The following BRDT variants were observed in gnomAD, a reference collection of about 807,000 sequenced individuals.
BRDT encodes the protein bromodomain testis-specific protein.
BRDT carries 77 observed loss-of-function variants against 113.9 expected under a neutral mutation model. That is an observed-to-expected ratio of 0.68 (90% CI 0.56 to 0.82). The LOEUF (loss-of-function observed/expected upper bound fraction) is 0.82. Among genes scored for constraint, BRDT ranks in the 40% least tolerant of loss-of-function variants. The pLI, the probability that BRDT is intolerant of heterozygous loss-of-function variation, is 0.00. For synonymous variants in BRDT, 358 were observed against 366.5 expected (o/e 0.98, Z 0.26); for missense variants, 1,027 against 1,105.4 (o/e 0.93, Z 1.01).
At chr1:91,958,450 G>T (rs746898785) in intron 1 of BRDT, among the ~76,000 whole-genome samples, 12 of 152,010 alleles carry the variant, frequency 7.9e-5, no homozygotes, top group Non-Finnish European at 1.5e-4. Flanking sequence ...TCCTGATCTT[G>T]GGTGGTCTAC....
At chr1:91,958,097 C>T (rs1275106442) in intron 1 of BRDT, among the ~76,000 whole-genome samples, 1 of 152,174 alleles carries the variant, frequency 6.6e-6, no homozygotes, top group East Asian at 1.9e-4. Flanking sequence ...CCTGCCTCGG[C>T]CTTCCAAAGC....
rs188585200 is a variant in BRDT, at chr1:91,960,815, T to C, written c.-37-1903T>C. Among the ~76,000 whole-genome samples, 5 of 152,348 alleles carry C rather than the reference T, an allele frequency of 3.3e-5. 1 individual carries two copies. The highest frequency in any genetic ancestry group is 9.6e-5 in the African/African-American group (4 of 41,588). ...CACTGGTCTCTAAAAATGGGCAACT[T>C]ATTTCATTTTCATTTTGCTTATGTA... On this transcript the variant is annotated intron_variant, in intron 1 of 18. Coordinates refer to ENST00000399546, the MANE Select transcript of BRDT (RefSeq NM_207189.4).
chr1:91,961,691 C>G (rs991679629), intron 1 of BRDT, among the ~76,000 whole-genome samples: 1 of 152,012 alleles, frequency 6.6e-6, no homozygotes, highest in Non-Finnish European at 1.5e-5. Context: ...CATTTTTTTA[C>G]TTTGCTTTTC....
intron 1 of BRDT, among the ~76,000 whole-genome samples, chr1:91,960,426 A>G (rs1682314993): frequency 6.6e-6 from 1 of 152,222 alleles, no homozygotes; most frequent in Admixed American, 6.5e-5. Flanking sequence ...TGTATTAGGA[A>G]AAATAAACCA....
intron 4 of BRDT, among the ~76,000 whole-genome samples, chr1:91,972,708 A>G (rs139424147): frequency 3.3e-5 from 5 of 152,338 alleles, no homozygotes; most frequent in Admixed American, 1.3e-4. Flanking sequence ...AATTCTAACT[A>G]TTCCTCACTA....
chr1:92,001,281 A>G (rs575832364), intron 15 of BRDT, among the ~76,000 whole-genome samples: 1 of 152,248 alleles, frequency 6.6e-6, no homozygotes, highest in Non-Finnish European at 1.5e-5. Flanking sequence ...CCCAGTGCTT[A>G]GTACATAGTA....
chr1:91,964,761 C>A lies in BRDT; in HGVS notation c.327C>A (p.Asn109Lys). 1 of 1,477,686 alleles carries A rather than the reference C, an allele frequency of 6.8e-7. No individual in the cohort carries two copies. Among genetic ancestry groups the A allele is most frequent in the Non-Finnish European group, 9.2e-7 (1 of 1,092,772 alleles). The allele number at this position is 1,477,686 out of a possible 1,614,324, so 91.5% of individuals were successfully genotyped here. ...TGTTCTCAAATTGTTATTTATATAACAAGGTATGTAAGCCTTATGTTATAC... is the reference window on the plus strand; with the variant it reads ...TGTTCTCAAATTGTTATTTATATAAAAAGGTATGTAAGCCTTATGTTATAC... ...NTMFSNCYLY[N>K]KPGDDIVLMA... Residue 109 changes from asparagine to lysine, a missense_variant, in exon 3 of 19, where the codon AAC becomes AAA. By Grantham distance (94) the Asn-to-Lys change is moderately conservative (BLOSUM62 0). Coordinates refer to ENST00000399546, the MANE Select transcript of BRDT (RefSeq NM_207189.4).
chr1:92,012,845 G>T (rs1687919089), intron 18 of BRDT, among the ~76,000 whole-genome samples: 1 of 152,172 alleles, frequency 6.6e-6, no homozygotes, highest in African/African-American at 2.4e-5. Context: ...GCGAGGCAGA[G>T]GTTGCAGTGA....
At chr1:91,963,946 G>A (rs969772213) in intron 2 of BRDT, among the ~76,000 whole-genome samples, 4 of 151,406 alleles carry the variant, frequency 2.6e-5, no homozygotes, top group Non-Finnish European at 4.4e-5. Context: ...ATCTCTGACC[G>A]CTGCAACCTC....
chr1:92,002,167 T>C lies in BRDT; in HGVS notation c.2388+18T>C. On this transcript the variant is annotated intron_variant, in intron 16 of 18. Transcript: ENST00000399546. ...TACAGAAGGTAAAAGTAATTTTTTT[T>C]TTCTAACAAATCTTGAAGGGATTTG... is the stretch of plus-strand genomic sequence containing the variant. 6.4e-7 allele frequency: 1 copy of C among 1,573,126 alleles called. No individual in the cohort carries two copies. Among genetic ancestry groups the C allele is most frequent in the Non-Finnish European group, 8.7e-7 (1 of 1,144,606 alleles).
intron 4 of BRDT, among the ~76,000 whole-genome samples, chr1:91,972,434 T>C (rs1415681538): frequency 2.6e-5 from 4 of 152,230 alleles, no homozygotes; most frequent in Admixed American, 1.3e-4. Flanking sequence ...TCACTTGTAC[T>C]CAGTTTGATT....
At chr1:91,992,528 C>CAT (rs963230289) in intron 14 of BRDT, among the ~76,000 whole-genome samples, 4 of 151,278 alleles carry the variant, frequency 2.6e-5, no homozygotes, top group Admixed American at 1.3e-4. Flanking sequence ...TGAAATTATA[C>CAT]ATATATATAT....
rs759352809 is a variant in BRDT, at chr1:91,962,792, A to G, written c.38A>G (p.Asn13Ser). 3 of 1,604,892 alleles carry G rather than the reference A, an allele frequency of 1.9e-6. No individual in the cohort carries two copies. Among genetic ancestry groups the G allele is most frequent in the Non-Finnish European group, 2.5e-6 (3 of 1,177,038 alleles). Residue 13 changes from asparagine (N) to serine (S), a missense_variant, in exon 2 of 19, where the codon AAC becomes AGC. Physicochemically the swap from Asn to Ser is conservative, Grantham distance 46 (BLOSUM62 1). Transcript: ENST00000399546. Reference protein sequence around the residue: ...LPSRQTAIIVNPPPPEYINTK... With the variant: ...LPSRQTAIIVSPPPPEYINTK... ...AGTCGACAAACAGCTATTATTGTTA[A>G]CCCTCCTCCACCAGAATATATAAAT... is the stretch of plus-strand genomic sequence containing the variant.
At chr1:91,978,877 A>G (rs568169230) in intron 7 of BRDT, among the ~76,000 whole-genome samples, 41 of 151,406 alleles carry the variant, frequency 2.7e-4, no homozygotes, top group African/African-American at 9.4e-4. Context: ...TGGCGCCTGT[A>G]GTCCCAGCTG....
In BRDT at chr1:91,992,281, C is replaced by T; in HGVS notation, c.2082C>T (p.Cys694=). 6.7e-7 allele frequency: 1 copy of T among 1,501,972 alleles called. No homozygotes were observed. The highest frequency in any genetic ancestry group is 9.0e-7 in the Non-Finnish European group (1 of 1,114,172). 93.0% of individuals were successfully genotyped at this position (1,501,972 alleles called of 1,614,324 possible). Residue 694 remains cysteine (C), a synonymous_variant, in exon 14 of 19, where the codon TGC becomes TGT. Coordinates refer to ENST00000399546, the MANE Select transcript of BRDT (RefSeq NM_207189.4). ...KENVKKMKNE[C]IPPEGRTGVT... is the part of the protein sequence containing the mutation. ...ATTTTTAGAAAATGAAGAATGAATG[C>T]ATACCGCCTGAAGGAAGAACAGGCG...
At position 91,991,195 on chromosome 1, in the gene BRDT, A is replaced by G; in HGVS notation, c.2014A>G (p.Lys672Glu). The G allele has an allele frequency of 2.0e-6, 3 of 1,535,096 alleles. No homozygotes were observed. The highest frequency in any genetic ancestry group is 1.2e-5 in the South Asian group (1 of 85,272). Residue 672 changes from lysine to glutamate, a missense_variant, in exon 13 of 19, where the codon AAG becomes GAG. By Grantham distance (56) the Lys-to-Glu change is moderately conservative (BLOSUM62 1). Coordinates refer to ENST00000399546, the MANE Select transcript of BRDT (RefSeq NM_207189.4). Reference protein sequence around the residue: ...SSDSESEMFPKFTEVKPNDSP... With the variant: ...SSDSESEMFPEFTEVKPNDSP... Reference sequence around the variant, plus strand: ...GTATACATTTGCAGAAATGTTCCCTAAGTTTACAGAAGTAAAACCAAATGA... The same window carrying G: ...GTATACATTTGCAGAAATGTTCCCTGAGTTTACAGAAGTAAAACCAAATGA...
chr1:91,985,761 G>C (rs570641292), intron 12 of BRDT, among the ~76,000 whole-genome samples: 201 of 148,312 alleles, frequency 1.4e-3, no homozygotes, highest in African/African-American at 4.8e-3. Context: ...GCCTCAGCCT[G>C]CCGAGCAGCT....
chr1:92,010,126 G>C (rs1368116015), intron 18 of BRDT, among the ~76,000 whole-genome samples: 1 of 151,984 alleles, frequency 6.6e-6, no homozygotes, highest in African/African-American at 2.4e-5. Context: ...GCTTATTCAA[G>C]TTGTGTGTTT....
intron 12 of BRDT, among the ~76,000 whole-genome samples, chr1:91,983,102 A>G (rs368170374): frequency 6.6e-6 from 1 of 152,150 alleles, no homozygotes; most frequent in Non-Finnish European, 1.5e-5. Flanking sequence ...TCAATAAAGT[A>G]CCTTAATTTT....
Sources: allele counts gnomAD v4.1 joint callset (sites outside exome capture counted in the v4.1 genomes callset), GRCh38; gene constraint gnomAD v4.1.1; transcripts MANE v1.5; gene names NCBI Gene and HGNC (gene_info 2026-07-23, HGNC 2026-07-21).